PTPRJ: variants seen among roughly 807,000 people sequenced by gnomAD.
PTPRJ encodes protein tyrosine phosphatase receptor type J, also known as receptor-type tyrosine-protein phosphatase eta.
In PTPRJ, 129 loss-of-function variants were observed where a neutral mutation model predicts 141.3. The observed-to-expected ratio is 0.91, with a 90% confidence interval of 0.79 to 1.06. The LOEUF (loss-of-function observed/expected upper bound fraction) is 1.06, where lower values mean the gene tolerates loss of function less well. Ranked by LOEUF, PTPRJ falls within the 50% of genes least tolerant of loss-of-function variation. The pLI, the probability that PTPRJ is intolerant of heterozygous loss-of-function variation, is 0.00. For missense variants in PTPRJ, 1,601 were observed against 1,679.7 expected (o/e 0.95, Z 0.82); for synonymous variants, 610 against 640.5 (o/e 0.95, Z 0.72).
intron 1 of PTPRJ, among the ~76,000 whole-genome samples, chr11:48,079,963 C>T (rs1448672154): frequency 6.6e-6 from 1 of 152,148 alleles, no homozygotes; most frequent in Non-Finnish European, 1.5e-5. Context: ...AGCATATCCC[C>T]CATCAGAGAA....
intron 1 of PTPRJ, among the ~76,000 whole-genome samples, chr11:48,023,627 C>T (rs1476599885): frequency 4.6e-5 from 7 of 151,816 alleles, no homozygotes; most frequent in African/African-American, 1.7e-4. Flanking sequence ...ACTAAAAATA[C>T]AAAAATTAGC....
In PTPRJ at chr11:48,095,549, T is replaced by C. The variant is rs371593101; in HGVS notation, c.97-14509T>C. Among the ~76,000 whole-genome samples the C allele has an allele frequency of 1.9e-3, 287 of 151,918 alleles. 10 individuals are homozygous for C. The South Asian group carries it at 0.058, about 31-fold the overall frequency. On this transcript the variant is annotated intron_variant, in intron 1 of 24. Transcript: ENST00000418331. The stretch of plus-strand genomic sequence containing the variant: ...TGAAGACGAGTGCACCTTATGGGTA[T>C]AGCCAGCTATAATGTTTATCAAACA...
intron 1 of PTPRJ, among the ~76,000 whole-genome samples, chr11:48,061,357 A>T (rs1854916711): frequency 6.6e-6 from 1 of 152,128 alleles, no homozygotes; most frequent in Admixed American, 6.5e-5. Flanking sequence ...TTGGCAAATG[A>T]TTGCAGGCTG....
chr11:47,988,453 CA>C (rs1010094466), intron 1 of PTPRJ, among the ~76,000 whole-genome samples: 1 of 151,994 alleles, frequency 6.6e-6, no homozygotes, highest in Non-Finnish European at 1.5e-5. Flanking sequence ...TCAGGTGATC[CA>C]CCCACCTCGG....
intron 1 of PTPRJ, among the ~76,000 whole-genome samples, chr11:48,101,943 A>G (rs1856161468): frequency 6.6e-6 from 1 of 152,102 alleles, no homozygotes; most frequent in Non-Finnish European, 1.5e-5. Context: ...AGAATGGTAC[A>G]TTTTATATTC....
intron 1 of PTPRJ, among the ~76,000 whole-genome samples, chr11:48,039,565 T>C (rs1175601056): frequency 6.6e-6 from 1 of 152,012 alleles, no homozygotes; most frequent in Non-Finnish European, 1.5e-5. Flanking sequence ...GTGGCCTTTA[T>C]TGACTTATTG....
intron 3 of PTPRJ, among the ~76,000 whole-genome samples, chr11:48,115,095 G>A (rs1386876821): frequency 6.6e-6 from 1 of 152,178 alleles, no homozygotes; most frequent in Non-Finnish European, 1.5e-5. Flanking sequence ...TTGAATTGGA[G>A]TTCATCTAGG....
intron 1 of PTPRJ, among the ~76,000 whole-genome samples, chr11:47,983,678 A>G (rs1222678427): frequency 6.6e-6 from 1 of 152,104 alleles, no homozygotes; most frequent in African/African-American, 2.4e-5. Flanking sequence ...TTTGCACAGT[A>G]GTTTTGGTTT....
intron 19 of PTPRJ, among the ~76,000 whole-genome samples, chr11:48,155,469 C>T (rs1015098152): frequency 6.6e-6 from 1 of 152,110 alleles, no homozygotes; most frequent in African/African-American, 2.4e-5. Context: ...TGGTAGACAC[C>T]TGAGGATGCT....
intron 8 of PTPRJ, 62 bp from the exon 9 acceptor site, chr11:48,135,977 G>C: frequency 6.4e-7 from 1 of 1,568,496 alleles, no homozygotes; most frequent in African/African-American, 1.3e-5. Context: ...ACAGCACTTG[G>C]AGAGGAAGCT....
chr11:48,054,658 A>G (rs1854706453), intron 1 of PTPRJ, among the ~76,000 whole-genome samples: 1 of 152,000 alleles, frequency 6.6e-6, no homozygotes, highest in Non-Finnish European at 1.5e-5. Flanking sequence ...CAGGCCTCTC[A>G]CAGTGTGGCC....
chr11:47,992,684 C>T (rs1308281936), intron 1 of PTPRJ, among the ~76,000 whole-genome samples: 2 of 152,098 alleles, frequency 1.3e-5, no homozygotes, highest in Admixed American at 1.3e-4. Context: ...CATAGACTTA[C>T]ATACTGTAAG....
intron 1 of PTPRJ, among the ~76,000 whole-genome samples, chr11:48,042,909 A>G (rs1280551052): frequency 1.3e-5 from 2 of 152,150 alleles, no homozygotes; most frequent in Non-Finnish European, 2.9e-5. Context: ...TGTAAGACCC[A>G]AAGAAACATA....
intron 21 of PTPRJ, 129 bp from the exon 22 acceptor site, chr11:48,159,800 AC>A (rs1466949218): frequency 8.1e-7 from 1 of 1,240,892 alleles, no homozygotes; most frequent in African/African-American, 1.5e-5. Context: ...GAAGGGTCAA[AC>A]AAAACCCAAC....
At chr11:48,045,404 C>T (rs1181122946) in intron 1 of PTPRJ, among the ~76,000 whole-genome samples, 1 of 152,198 alleles carries the variant, frequency 6.6e-6, no homozygotes, top group Admixed American at 6.5e-5. Flanking sequence ...TGATCAGAGA[C>T]ATCCTTCAAG....
At chr11:48,092,585 A>G (rs949494371) in intron 1 of PTPRJ, among the ~76,000 whole-genome samples, 1 of 151,840 alleles carries the variant, frequency 6.6e-6, no homozygotes, top group African/African-American at 2.4e-5. Flanking sequence ...ACTCGCTACC[A>G]CACCTGGCTA....
intron 1 of PTPRJ, among the ~76,000 whole-genome samples, chr11:48,037,912 G>A (rs527664154): frequency 6.6e-6 from 1 of 151,826 alleles, no homozygotes; most frequent in Non-Finnish European, 1.5e-5. Flanking sequence ...TGTTCTTTCT[G>A]GCCTCCGTGA....
chr11:47,984,261 A>C (rs918959849), intron 1 of PTPRJ, among the ~76,000 whole-genome samples: 1 of 152,146 alleles, frequency 6.6e-6, no homozygotes, highest in Admixed American at 6.5e-5. Flanking sequence ...TCCTAAAAGT[A>C]ATTTTTGCTT....
intron 1 of PTPRJ, among the ~76,000 whole-genome samples, chr11:48,058,060 T>C (rs1177594261): frequency 6.6e-6 from 1 of 152,038 alleles, no homozygotes; most frequent in Non-Finnish European, 1.5e-5. Context: ...TACAGGCATG[T>C]GCCACCATGC....
Sources: allele counts gnomAD v4.1 joint callset (sites outside exome capture counted in the v4.1 genomes callset), GRCh38; gene constraint gnomAD v4.1.1; transcripts MANE v1.5; gene names NCBI Gene and HGNC (gene_info 2026-07-23, HGNC 2026-07-21).